The following PIEZO2 variants were observed in gnomAD, a reference collection of about 807,000 sequenced individuals.
PIEZO2 encodes the protein piezo type mechanosensitive ion channel component 2, also known as piezo-type mechanosensitive ion channel component 2.
Under a neutral mutation model 337.3 loss-of-function variants are expected in PIEZO2, and 172 were observed. The observed-to-expected ratio is 0.51, with a 90% confidence interval of 0.45 to 0.58. The LOEUF is 0.58. PIEZO2 is among the 20% of genes least tolerant of loss of function. PIEZO2 has a pLI of 0.00. For synonymous variants in PIEZO2, 1,251 were observed against 1,228.5 expected (o/e 1.02, Z -0.38); for missense variants, 3,028 against 3,391.3 (o/e 0.89, Z 2.66).
intron 4 of PIEZO2, among the ~76,000 whole-genome samples, chr18:10,891,308 CTG>C (rs2042748666): frequency 6.6e-6 from 1 of 151,970 alleles, no homozygotes; most frequent in Non-Finnish European, 1.5e-5. Context: ...GGGAGACAGA[CTG>C]AGACTCTGTT....
Position 10,803,990 on chromosome 18 carries a change from T to A in PIEZO2, c.1085A>T (p.Gln362Leu). ...GTCCTCTTCTTTGGTCCCCTCATCC[T>A]GCACCTGAAACACAGAAACAGGATC... ...IRIWLQEPLV[Q>L]DEGTKEEDKA... The change falls in exon 9 of 56, where the codon CAG becomes CTG. Residue 362 changes from glutamine (Q) to leucine (L), a missense_variant. Physicochemically the swap from Gln to Leu is moderately radical, Grantham distance 113 (BLOSUM62 -2). Transcript: ENST00000674853. 1 of 1,537,356 alleles carries A rather than the reference T, an allele frequency of 6.5e-7. No homozygotes were observed. The highest frequency in any genetic ancestry group is 8.7e-7 in the Non-Finnish European group (1 of 1,146,930).
chr18:10,712,286 G>A (rs1457985547), intron 39 of PIEZO2, among the ~76,000 whole-genome samples: 3 of 152,106 alleles, frequency 2.0e-5, no homozygotes, highest in Non-Finnish European at 2.9e-5. Context: ...GGTCCCTCTA[G>A]GATTAAGGGA....
chr18:10,717,299 T>C (rs762562895), intron 37 of PIEZO2, among the ~76,000 whole-genome samples: 1 of 152,156 alleles, frequency 6.6e-6, no homozygotes, highest in African/African-American at 2.4e-5. Context: ...CAGGTCCACA[T>C]ATATGTGTGT....
rs1347691760 is a variant in PIEZO2 at position 11,069,302 on chromosome 18, C to G, written c.65-3080G>C. On this transcript the variant is annotated intron_variant, in intron 1 of 55. Transcript: ENST00000674853. The surrounding 1 kb of genome is among the most constrained non-coding windows in gnomAD (Gnocchi z 4.9). The stretch of plus-strand genomic sequence containing the variant: ...CAACAAAATGCAAGCAAACCCCACT[C>G]GGCAATGCATTAAAAGCCTCCTTCA... 3.9e-5 allele frequency among the ~76,000 whole-genome samples: 6 copies of G among 152,074 alleles called. No homozygotes were observed. The highest frequency in any genetic ancestry group is 1.4e-4 in the African/African-American group (6 of 41,410).
intron 21 of PIEZO2, 96 bp downstream of exon 21, chr18:10,770,052 C>A (rs1024665213): frequency 3.1e-6 from 4 of 1,277,516 alleles, no homozygotes; most frequent in Middle Eastern, 1.9e-4. Context: ...CGATGTAATG[C>A]GGATCACATT....
At chr18:10,807,885 A>G (rs978668852) in intron 7 of PIEZO2, among the ~76,000 whole-genome samples, 3 of 152,170 alleles carry the variant, frequency 2.0e-5, no homozygotes, top group Non-Finnish European at 4.4e-5. Context: ...TATGACTTTG[A>G]GTCTGTTACA....
intron 3 of PIEZO2, among the ~76,000 whole-genome samples, chr18:10,974,768 A>G (rs2034376289): frequency 6.6e-6 from 1 of 152,086 alleles, no homozygotes. Flanking sequence ...TATACAGAAA[A>G]AGGGCACCCT....
In PIEZO2 at chr18:10,979,919, A is replaced by G. The variant is rs1303221326; in HGVS notation, c.161-259T>C. On this transcript the variant is annotated intron_variant, in intron 2 of 55. Coordinates refer to ENST00000674853, the MANE Select transcript of PIEZO2 (RefSeq NM_001378183.1). The surrounding 1 kb of genome is among the most constrained non-coding windows in gnomAD (Gnocchi z 4.0). The stretch of plus-strand genomic sequence containing the variant: ...TCCTATTTATCATATGACACATTAC[A>G]GTGGAACTACAAAAAGGTCCTGGAC... 2.0e-5 allele frequency among the ~76,000 whole-genome samples: 3 copies of G among 152,242 alleles called. No individual in the cohort carries two copies. The highest frequency in any genetic ancestry group is 4.1e-4 in the South Asian group (2 of 4,832).
At chr18:10,884,974 A>G (rs1272703446) in intron 4 of PIEZO2, among the ~76,000 whole-genome samples, 1 of 152,064 alleles carries the variant, frequency 6.6e-6, no homozygotes, top group East Asian at 1.9e-4. Flanking sequence ...CGTCTATCAT[A>G]TCATAGACAT....
chr18:10,857,321 T>C (rs533950874), intron 5 of PIEZO2, 110 bp from the exon 6 acceptor site: 10 of 948,456 alleles, frequency 1.1e-5, no homozygotes, highest in Non-Finnish European at 1.6e-5. Flanking sequence ...ATTTCACAGA[T>C]CAGGAAAAAA....
intron 3 of PIEZO2, among the ~76,000 whole-genome samples, chr18:10,974,180 C>T (rs905422512): frequency 1.3e-5 from 2 of 152,252 alleles, no homozygotes; most frequent in African/African-American, 2.4e-5. Flanking sequence ...TGTCGTAGGC[C>T]GACGCTTGAT....
At chr18:10,754,221 GGAGCCTTAAGGATTTCTGAATA>G (rs1310348057) in intron 27 of PIEZO2, among the ~76,000 whole-genome samples, 1 of 152,230 alleles carries the variant, frequency 6.6e-6, no homozygotes, top group Non-Finnish European at 1.5e-5. Flanking sequence ...GCTTCAAAGC[GGAGCCTTAAGGATTTCTGAATA>G]GAGAGACTGA....
rs1182835316 is a variant in PIEZO2 at position 10,672,547 on chromosome 18, A to T, written c.8345+143T>A. 1.1e-6 allele frequency: 1 copy of T among 907,030 alleles called. No individual in the cohort carries two copies. The highest frequency in any genetic ancestry group is 1.7e-5 in the African/African-American group (1 of 59,018). 56.2% of individuals were successfully genotyped at this position (907,030 alleles called of 1,614,324 possible). A position where few individuals can be genotyped will look rare whatever the true frequency, so the allele number is the denominator to read the frequency against. ...ACTCTGGTGCCTCATTTTTTGAAATAAAATGCACACAAGGATGTGTGCATT... is the reference window on the plus strand; with the variant it reads ...ACTCTGGTGCCTCATTTTTTGAAATTAAATGCACACAAGGATGTGTGCATT... On this transcript the variant is annotated intron_variant, in intron 55 of 55. Coordinates refer to ENST00000674853, the MANE Select transcript of PIEZO2 (RefSeq NM_001378183.1). The surrounding 1 kb of genome is among the most constrained non-coding windows in gnomAD (Gnocchi z 4.7).
intron 3 of PIEZO2, among the ~76,000 whole-genome samples, chr18:10,933,421 G>A (rs2032205150): frequency 1.3e-5 from 2 of 151,950 alleles, no homozygotes; most frequent in African/African-American, 2.4e-5. Flanking sequence ...TTTGCAATAT[G>A]TTTCTTAACC....
chr18:11,115,990 T>C (rs2039878206), intron 1 of PIEZO2, among the ~76,000 whole-genome samples: 1 of 152,176 alleles, frequency 6.6e-6, no homozygotes, highest in Admixed American at 6.5e-5. Flanking sequence ...ATAGATAGTT[T>C]TAAGTTTTAA....
chr18:10,808,054 AG>A (rs1159927409), intron 7 of PIEZO2, among the ~76,000 whole-genome samples: 23 of 152,182 alleles, frequency 1.5e-4, no homozygotes, highest in Admixed American at 1.5e-3. Context: ...TTATAGGTTA[AG>A]TGAGTTTCAT....
At chr18:11,120,479 A>C (rs997686772) in intron 1 of PIEZO2, among the ~76,000 whole-genome samples, 2 of 152,184 alleles carry the variant, frequency 1.3e-5, no homozygotes, top group Admixed American at 1.3e-4. Flanking sequence ...TTTCTTGAGC[A>C]CCTGCTATTT....
In PIEZO2 at chr18:11,064,093, G is replaced by A. The variant is rs201431316; in HGVS notation, c.160+2034C>T. Among the ~76,000 whole-genome samples the A allele has an allele frequency of 6.6e-5, 10 of 152,134 alleles. No homozygotes were observed. The East Asian group carries it at 9.6e-4, about 15-fold the overall frequency. ...GTTTTAAGAAACTTCGGAAATTTGT[G>A]TTGGGCCACACTCAAAACTGTCCTG... On this transcript the variant is annotated intron_variant, in intron 2 of 55. Transcript: ENST00000674853.
Position 10,753,858 on chromosome 18 carries a change from CTT to C in PIEZO2, c.3924-981_3924-980del, listed in dbSNP as rs548949328. ...GTAAAACACTTAAACATTTTTATAA[CTT>C]TTTTTCTAAAATACATAAAACCCTT... On this transcript the variant is annotated intron_variant, in intron 27 of 55. Transcript: ENST00000674853. 1.9e-3 allele frequency among the ~76,000 whole-genome samples: 289 copies of C among 152,278 alleles called. 1 individual carries two copies. The highest frequency in any genetic ancestry group is 5.0e-3 in the African/African-American group (207 of 41,560).
Sources: gnomAD v4.1 joint callset for allele counts (sites outside exome capture counted in the v4.1 genomes callset) on GRCh38, gnomAD v4.1.1 for gene constraint, Gnocchi (gnomAD v3.1) non-coding constraint, MANE v1.5 for transcripts, NCBI Gene and HGNC (gene_info 2026-07-23, HGNC 2026-07-21) for gene names.